RB1: variants seen among roughly 807,000 people sequenced by gnomAD.
RB1 encodes the protein retinoblastoma-associated protein.
Under a neutral mutation model 135.4 loss-of-function variants are expected in RB1, and 18 were observed. The ratio of observed to expected loss-of-function variants is 0.13; its 90% CI spans 0.09 to 0.20. RB1 has a LOEUF of 0.20. RB1 is among the 10% of genes least tolerant of loss of function. The pLI, the probability that RB1 is intolerant of heterozygous loss-of-function variation, is 1.00. For synonymous variants in RB1, 365 were observed against 373.2 expected (o/e 0.98, Z 0.25); for missense variants, 868 against 1,110.0 (o/e 0.78, Z 3.10).
intron 2 of RB1, among the ~76,000 whole-genome samples, chr13:48,322,111 AC>A (rs1952247319): frequency 6.6e-6 from 1 of 151,944 alleles, no homozygotes; most frequent in Admixed American, 6.6e-5. Flanking sequence ...TTTTGGTGAC[AC>A]CCCCTATTTT....
chr13:48,379,915 G>C (rs1174424690), intron 14 of RB1, 138 bp from the exon 15 acceptor site: 1 of 735,862 alleles, frequency 1.4e-6, no homozygotes, highest in Non-Finnish European at 2.0e-6. Context: ...AGCCAAGATT[G>C]TGCCATTTCA....
chr13:48,463,686 C>A (rs1397118311), intron 20 of RB1, 45 bp from the exon 21 acceptor site: 1 of 1,142,154 alleles, frequency 8.8e-7, no homozygotes, highest in Non-Finnish European at 1.3e-6. Context: ...AGAACAAAAC[C>A]ATGTAATAAA....
At position 48,410,184 on chromosome 13, in the gene RB1, C is replaced by T. The variant is rs4151545; in HGVS notation, c.1695+28741C>T. 6.3e-3 allele frequency among the ~76,000 whole-genome samples: 954 copies of T among 152,236 alleles called. 9 individuals carry two copies. The highest frequency in any genetic ancestry group is 0.022 in the African/African-American group (906 of 41,524). Reference sequence around the variant, plus strand: ...AGAAAATATTTACAGTCATGCATCACGTAATAGCATTTTGGTCAATGACCG... The same window carrying T: ...AGAAAATATTTACAGTCATGCATCATGTAATAGCATTTTGGTCAATGACCG... On this transcript the variant is annotated intron_variant, in intron 17 of 26. Coordinates refer to ENST00000267163, the MANE Select transcript of RB1 (RefSeq NM_000321.3).
At chr13:48,357,627 A>C (rs1952604379) in intron 6 of RB1, among the ~76,000 whole-genome samples, 1 of 152,008 alleles carries the variant, frequency 6.6e-6, no homozygotes, top group Non-Finnish European at 1.5e-5. Context: ...AGGTCTCTAC[A>C]GGGAGGGGTA....
chr13:48,367,736 A>G, intron 10 of RB1, 133 bp downstream of exon 10: 1 of 1,059,630 alleles, frequency 9.4e-7, no homozygotes, highest in Non-Finnish European at 1.3e-6. Context: ...GTCTTTATAC[A>G]AAGAAAAGTT....
intron 7 of RB1, 119 bp from the exon 8 acceptor site, chr13:48,362,696 A>G (rs1282034333): frequency 1.7e-5 from 18 of 1,060,776 alleles, no homozygotes; most frequent in Non-Finnish European, 2.5e-5. Flanking sequence ...ATGAAACCTA[A>G]TAAGTAAAAG....
intron 17 of RB1, among the ~76,000 whole-genome samples, chr13:48,415,495 T>A (rs1593490122): frequency 6.6e-6 from 1 of 152,086 alleles, no homozygotes. Context: ...GCCAGGCTGG[T>A]CTTGAACTCC....
At chr13:48,360,278 G>A in intron 7 of RB1, 151 bp downstream of exon 7, 2 of 1,445,056 alleles carry the variant, frequency 1.4e-6, no homozygotes, top group South Asian at 1.4e-5. Context: ...AGTTATAGAA[G>A]GAAAGATAAG....
At chr13:48,420,626 A>G (rs552356301) in intron 17 of RB1, among the ~76,000 whole-genome samples, 1 of 152,334 alleles carries the variant, frequency 6.6e-6, no homozygotes, top group African/African-American at 2.4e-5. Context: ...ATGATTGTCT[A>G]TTTAGAAAAC....
chr13:48,314,404 A>G (rs1343293198), intron 2 of RB1, among the ~76,000 whole-genome samples: 1 of 152,154 alleles, frequency 6.6e-6, no homozygotes, highest in Non-Finnish European at 1.5e-5. Context: ...CTTACTAAAT[A>G]TTTATTCTTG....
intron 17 of RB1, among the ~76,000 whole-genome samples, chr13:48,447,639 C>G (rs574777292): frequency 6.6e-6 from 1 of 152,030 alleles, no homozygotes; most frequent in African/African-American, 2.4e-5. Context: ...TATCTCTGCT[C>G]TACAGTTGAG....
intron 2 of RB1, among the ~76,000 whole-genome samples, chr13:48,333,986 G>A (rs1183003622): frequency 6.6e-6 from 1 of 152,128 alleles, no homozygotes; most frequent in African/African-American, 2.4e-5. Context: ...TTCCATAGGA[G>A]TTTTTCAAAT....
At chr13:48,355,658 G>T (rs1173858472) in intron 6 of RB1, among the ~76,000 whole-genome samples, 1 of 152,078 alleles carries the variant, frequency 6.6e-6, no homozygotes, top group Non-Finnish European at 1.5e-5. Context: ...GCTAAGATTT[G>T]AAAGCAACCT....
rs757854572 is a variant in RB1, at chr13:48,360,005, T to C, written c.608-12T>C. 4 of 1,598,546 alleles carry C rather than the reference T, an allele frequency of 2.5e-6. No individual in the cohort carries two copies. The Admixed American group carries it at 6.7e-5, about 27-fold the overall frequency. On this transcript the variant is annotated splice_polypyrimidine_tract_variant and intron_variant, in intron 6 of 26. Transcript: ENST00000267163. ...CTCTAACTTTCTTTAAAAATGTACATTTTTTTTTCAGGGGAAGTATTACAA... is the reference window on the plus strand; with the variant it reads ...CTCTAACTTTCTTTAAAAATGTACACTTTTTTTTCAGGGGAAGTATTACAA...
At chr13:48,327,406 C>A (rs560310152) in intron 2 of RB1, among the ~76,000 whole-genome samples, 1 of 152,184 alleles carries the variant, frequency 6.6e-6, no homozygotes, top group Admixed American at 6.5e-5. Context: ...AATGGTTTTT[C>A]TTTGAAGATT....
intron 17 of RB1, among the ~76,000 whole-genome samples, chr13:48,405,356 T>G (rs1948730537): frequency 6.6e-6 from 1 of 152,304 alleles, no homozygotes; most frequent in East Asian, 1.9e-4. Flanking sequence ...AAAGAAAATT[T>G]GCCTTTTTTC....
intron 2 of RB1, among the ~76,000 whole-genome samples, chr13:48,340,610 A>G (rs374327167): frequency 6.6e-6 from 1 of 151,104 alleles, no homozygotes; most frequent in African/African-American, 2.4e-5. Flanking sequence ...GCTGGAATTG[A>G]TGAAAGGACA....
chr13:48,318,036 G>T, intron 2 of RB1: 1 of 522,408 alleles, frequency 1.9e-6, no homozygotes, highest in South Asian at 1.7e-5. Flanking sequence ...CCGGGGCTGG[G>T]AGCTGGGCCC....
intron 2 of RB1, chr13:48,333,102 A>G: frequency 2.5e-6 from 1 of 398,270 alleles, no homozygotes; most frequent in Non-Finnish European, 4.4e-6. Flanking sequence ...GGAATGACTG[A>G]TGTAATCACT....
Sources: allele counts gnomAD v4.1 joint callset (sites outside exome capture counted in the v4.1 genomes callset), GRCh38; gene constraint gnomAD v4.1.1; transcripts MANE v1.5; gene names NCBI Gene and HGNC (gene_info 2026-07-23, HGNC 2026-07-21).